The following CREB5 variants were observed in gnomAD, a reference collection of about 807,000 sequenced individuals.
CREB5 encodes the protein cAMP responsive element binding protein 5, also known as cyclic AMP-responsive element-binding protein 5.
A neutral mutation model predicts 57.1 loss-of-function variants in CREB5; 19 were observed. That is an observed-to-expected ratio of 0.33 (90% CI 0.23 to 0.49). CREB5 has a LOEUF of 0.49. Among genes scored for constraint, CREB5 ranks in the 20% least tolerant of loss-of-function variants. The pLI, the probability that CREB5 is intolerant of heterozygous loss-of-function variation, is 0.99. For missense variants in CREB5, 579 were observed against 671.6 expected (o/e 0.86, Z 1.52); for synonymous variants, 238 against 238.3 (o/e 1.00, Z 0.01).
chr7:28,781,353 A>G (rs1003168121), intron 7 of CREB5, among the ~76,000 whole-genome samples: 2 of 152,238 alleles, frequency 1.3e-5, no homozygotes, highest in African/African-American at 4.8e-5. Context: ...AAAGGCTTCC[A>G]TGGAGAAATT....
chr7:28,450,008 C>T lies in CREB5; in HGVS notation c.3+37091C>T, dbSNP rs1011223139. The stretch of plus-strand genomic sequence containing the variant: ...AGAGGAGCTCAGTCAATGGTGAGAT[C>T]GAATCTTTGGACCTCCTTTGGACCA... On this transcript the variant is annotated intron_variant, in intron 1 of 10. Transcript: ENST00000357727. Among the ~76,000 whole-genome samples the T allele has an allele frequency of 4.6e-5, 7 of 152,114 alleles. 1 individual carries two copies. The highest frequency in any genetic ancestry group is 9.7e-5 in the African/African-American group (4 of 41,398).
At position 28,804,215 on chromosome 7, in the gene CREB5, T is replaced by C. The variant is rs1215956801; in HGVS notation, c.719T>C (p.Leu240Ser). 4 of 1,613,368 alleles carry C rather than the reference T, an allele frequency of 2.5e-6. No homozygotes were observed. Among genetic ancestry groups the C allele is most frequent in the Non-Finnish European group, 3.4e-6 (4 of 1,179,376 alleles). The change falls in exon 8 of 11, where the codon TTG becomes TCG. Residue 240 changes from leucine to serine, a missense_variant. Leu to Ser is a moderately radical substitution (Grantham distance 145). This residue lies in a region of CREB5 where 459 missense variants were observed against 515.7 expected (regional missense o/e 0.89). Coordinates refer to ENST00000357727, the MANE Select transcript of CREB5 (RefSeq NM_182898.4). ...CTGTTTCAGAGGTTGAAGGCTGCAT[T>C]GACTCACCACCCTGCTGCCATGTCA... The part of the protein sequence containing the change: ...SEAKMRLKAA[L>S]THHPAAMSNG...
At chr7:28,762,855 T>C (rs746699272) in intron 7 of CREB5, among the ~76,000 whole-genome samples, 12 of 152,162 alleles carry the variant, frequency 7.9e-5, no homozygotes, top group Non-Finnish European at 1.5e-4. Flanking sequence ...TTTTGTTTAA[T>C]AGCTGAAACA....
intron 9 of CREB5, among the ~76,000 whole-genome samples, chr7:28,815,798 C>T (rs1809405173): frequency 6.6e-6 from 1 of 152,052 alleles, no homozygotes. Flanking sequence ...GGTGTTTTTT[C>T]TTCCAAAAGT....
At chr7:28,458,241 T>C (rs1410153974) in intron 1 of CREB5, among the ~76,000 whole-genome samples, 2 of 152,128 alleles carry the variant, frequency 1.3e-5, no homozygotes, top group Admixed American at 1.3e-4. Context: ...TAAGCAAATA[T>C]GTGTTGAATA....
At chr7:28,406,783 A>C (rs965763606) in intron 1 of CREB5, among the ~76,000 whole-genome samples, 1 of 152,242 alleles carries the variant, frequency 6.6e-6, no homozygotes, top group African/African-American at 2.4e-5. Context: ...CAGAAATGTG[A>C]GTCCACAAAC....
intron 5 of CREB5, among the ~76,000 whole-genome samples, chr7:28,669,686 AC>A (rs1338631632): frequency 6.6e-6 from 1 of 152,234 alleles, no homozygotes; most frequent in Admixed American, 6.5e-5. Context: ...GCAACAGGGG[AC>A]GGCTTGGCTG....
At chr7:28,475,130 C>G (rs1342657420) in intron 1 of CREB5, among the ~76,000 whole-genome samples, 2 of 151,814 alleles carry the variant, frequency 1.3e-5, no homozygotes, top group East Asian at 3.9e-4. Flanking sequence ...GGAAATGTTG[C>G]TATTATGGAG....
rs185306488 is a variant in CREB5, at chr7:28,360,669, A to G, written c.-25+61228A>G. The stretch of plus-strand genomic sequence containing the variant: ...TAGATAAGCTAATTAACTTGATCCA[A>G]TCATTCCACATTGTATACATATAAT... On this transcript the variant is annotated intron_variant, in intron 1 of 9. Transcript: ENST00000396299. Among the ~76,000 whole-genome samples the G allele has an allele frequency of 9.2e-5, 14 of 152,328 alleles. No homozygotes were observed. The East Asian group carries it at 2.3e-3, about 25-fold the overall frequency.
chr7:28,818,579 T>C (rs534672284), intron 10 of CREB5, among the ~76,000 whole-genome samples: 1 of 152,304 alleles, frequency 6.6e-6, no homozygotes, highest in South Asian at 2.1e-4. Context: ...CACTGCATGT[T>C]ACTCACTGGG....
intron 5 of CREB5, among the ~76,000 whole-genome samples, chr7:28,645,101 G>A (rs1041449529): frequency 2.0e-5 from 3 of 152,166 alleles, no homozygotes; most frequent in African/African-American, 7.2e-5. Context: ...CTTGAGTCTT[G>A]TGGCTAGGTT....
intron 1 of CREB5, among the ~76,000 whole-genome samples, chr7:28,406,137 C>G (rs748338911): frequency 7.2e-5 from 11 of 152,158 alleles, no homozygotes; most frequent in Non-Finnish European, 1.5e-4. Context: ...TGACTGAACC[C>G]AAAGTACAGA....
At chr7:28,317,080 G>A (rs973602641) in intron 1 of CREB5, among the ~76,000 whole-genome samples, 15 of 150,998 alleles carry the variant, frequency 9.9e-5, no homozygotes, top group African/African-American at 3.7e-4. Context: ...GTACTTGGCA[G>A]AAATACAAAA....
chr7:28,817,401 A>G (rs951400854), intron 9 of CREB5, among the ~76,000 whole-genome samples: 1 of 152,142 alleles, frequency 6.6e-6, no homozygotes, highest in African/African-American at 2.4e-5. Flanking sequence ...GGGATTCATG[A>G]CTGAAGGTCA....
intron 1 of CREB5, among the ~76,000 whole-genome samples, chr7:28,332,317 C>A (rs1250076625): frequency 6.6e-6 from 1 of 152,136 alleles, no homozygotes; most frequent in Non-Finnish European, 1.5e-5. Flanking sequence ...TCTGAAGCCA[C>A]CAAGTTAGAA....
intron 3 of CREB5, among the ~76,000 whole-genome samples, chr7:28,500,881 A>G (rs548890534): frequency 2.6e-5 from 4 of 152,176 alleles, no homozygotes; most frequent in Admixed American, 2.6e-4. Flanking sequence ...AATTCCATTG[A>G]TAGTAAAGGT....
chr7:28,411,605 T>G (rs1032708191), upstream of CREB5, among the ~76,000 whole-genome samples: 1 of 151,948 alleles, frequency 6.6e-6, no homozygotes, highest in Non-Finnish European at 1.5e-5. Flanking sequence ...GAAATTAAAT[T>G]TAAAAAAGTA....
intron 1 of CREB5, among the ~76,000 whole-genome samples, chr7:28,452,402 A>G (rs1472451384): frequency 6.6e-6 from 1 of 152,250 alleles, no homozygotes; most frequent in Non-Finnish European, 1.5e-5. Flanking sequence ...CATGATTATA[A>G]AAATGCCCTA....
intron 5 of CREB5, among the ~76,000 whole-genome samples, chr7:28,621,053 T>C (rs1350475553): frequency 6.6e-6 from 1 of 152,180 alleles, no homozygotes; most frequent in Non-Finnish European, 1.5e-5. Flanking sequence ...AGGCCTAATA[T>C]GGCAGCATCT....
Sources: gnomAD v4.1 joint callset for allele counts (sites outside exome capture counted in the v4.1 genomes callset) on GRCh38, gnomAD v4.1.1 for gene constraint, gnomAD v4.1.1 regional missense constraint, MANE v1.5 for transcripts, NCBI Gene and HGNC (gene_info 2026-07-23, HGNC 2026-07-21) for gene names.